CAMKMT: variants seen among roughly 807,000 people sequenced by gnomAD.
CAMKMT encodes the protein CaM KMT.
CAMKMT carries 53 observed loss-of-function variants against 48.0 expected under a neutral mutation model. That is an observed-to-expected ratio of 1.10 (90% confidence interval 0.89 to 1.39). CAMKMT has a LOEUF of 1.39. Ranked by LOEUF, CAMKMT falls within the 40% of genes most tolerant of loss-of-function variation. CAMKMT has a pLI of 0.00. For missense variants in CAMKMT, 428 were observed against 402.7 expected (o/e 1.06, Z -0.54); for synonymous variants, 165 against 152.3 (o/e 1.08, Z -0.61).
chr2:44,722,176 C>CTTTTTTTTTTTTTT (rs11323950), intron 7 of CAMKMT, among the ~76,000 whole-genome samples: 76 of 115,456 alleles, frequency 6.6e-4, no homozygotes, highest in Non-Finnish European at 9.7e-4. Context: ...TTTCTTTTTT[C>CTTTTTTTTTTTTTT]TTTTTTTTTT....
At chr2:44,759,392 T>G (rs2104396654) in intron 9 of CAMKMT, among the ~76,000 whole-genome samples, 1 of 152,328 alleles carries the variant, frequency 6.6e-6, no homozygotes, top group East Asian at 1.9e-4. Context: ...AGTGCTGGGA[T>G]GACAGGCATG....
At chr2:44,765,461 A>T (rs1241091130) in intron 9 of CAMKMT, among the ~76,000 whole-genome samples, 3 of 152,032 alleles carry the variant, frequency 2.0e-5, no homozygotes, top group Non-Finnish European at 4.4e-5. Context: ...AAACCTAAAG[A>T]GGCATTTCAC....
rs35422115 is a variant in CAMKMT at position 44,768,342 on chromosome 2, G to GATATATAT, written c.894+1794_894+1801dup. Among the ~76,000 whole-genome samples, 325 of 111,414 alleles carry GATATATAT rather than the reference G, an allele frequency of 2.9e-3. 6 individuals carry two copies. The highest frequency in any genetic ancestry group is 0.011 in the African/African-American group (288 of 27,288). 73.1% of individuals were successfully genotyped at this position (111,414 alleles called of 152,430 possible). On this transcript the variant is annotated intron_variant, in intron 10 of 10. Transcript: ENST00000378494. ...ATAAAAGGTATAAACGGGCGCCCAT[G>GATATATAT]ATATATATATATATATATATTTTTT...
chr2:44,742,479 C>G, intron 7 of CAMKMT, among the ~76,000 whole-genome samples: 1 of 152,134 alleles, frequency 6.6e-6, no homozygotes, highest in East Asian at 1.9e-4. Flanking sequence ...GTCCATATGG[C>G]CCATCAAGCT....
intron 3 of CAMKMT, among the ~76,000 whole-genome samples, chr2:44,392,492 A>AT (rs1681443881): frequency 6.6e-6 from 1 of 152,092 alleles, no homozygotes. Context: ...TGCCTCAAAA[A>AT]TTTGATTTTA....
chr2:44,384,353 T>C (rs1038229069), intron 2 of CAMKMT, among the ~76,000 whole-genome samples: 11 of 152,150 alleles, frequency 7.2e-5, no homozygotes, highest in Non-Finnish European at 1.3e-4. Context: ...TTCGTTTGAG[T>C]TCGTTGTGGA....
chr2:44,714,061 A>T (rs576528671), intron 6 of CAMKMT, among the ~76,000 whole-genome samples: 52 of 152,306 alleles, frequency 3.4e-4, no homozygotes, highest in African/African-American at 1.2e-3. Flanking sequence ...AGAATATATC[A>T]TATAAAATGA....
intron 3 of CAMKMT, among the ~76,000 whole-genome samples, chr2:44,672,047 G>T (rs1173845052): frequency 6.6e-6 from 1 of 152,080 alleles, no homozygotes; most frequent in Non-Finnish European, 1.5e-5. Context: ...GACCTGCCCC[G>T]ACAGGATGAT....
intron 3 of CAMKMT, among the ~76,000 whole-genome samples, chr2:44,496,266 A>G (rs1277343349): frequency 1.3e-5 from 2 of 152,214 alleles, no homozygotes; most frequent in Non-Finnish European, 2.9e-5. Context: ...TCTTATAACA[A>G]TAAAGCATAT....
chr2:44,527,791 C>CG (rs1390926424), intron 3 of CAMKMT, among the ~76,000 whole-genome samples: 1 of 132,898 alleles, frequency 7.5e-6, no homozygotes, highest in Non-Finnish European at 1.6e-5. Flanking sequence ...TACAGCCCCC[C>CG]CCCCCATTAT....
intron 3 of CAMKMT, among the ~76,000 whole-genome samples, chr2:44,447,526 C>G (rs566297108): frequency 1.3e-5 from 2 of 152,344 alleles, no homozygotes; most frequent in Admixed American, 1.3e-4. Flanking sequence ...GCTTACAACA[C>G]TAACATTTCT....
chr2:44,722,228 A>G (rs1417915241), intron 7 of CAMKMT, among the ~76,000 whole-genome samples: 1 of 129,162 alleles, frequency 7.7e-6, no homozygotes, highest in African/African-American at 2.9e-5. Flanking sequence ...ACATTTGTGT[A>G]CACATTTTTG....
intron 3 of CAMKMT, among the ~76,000 whole-genome samples, chr2:44,557,108 G>A (rs953441865): frequency 2.6e-5 from 4 of 152,060 alleles, no homozygotes; most frequent in African/African-American, 9.7e-5. Context: ...CTAGACATAG[G>A]ATTCATTCAT....
At chr2:44,527,518 C>T (rs1203580005) in intron 3 of CAMKMT, among the ~76,000 whole-genome samples, 1 of 148,390 alleles carries the variant, frequency 6.7e-6, no homozygotes, top group African/African-American at 2.5e-5. Flanking sequence ...TTTGGCTTCC[C>T]AGTGGGATTA....
At chr2:44,670,784 G>T (rs940918018) in intron 3 of CAMKMT, among the ~76,000 whole-genome samples, 35 of 152,316 alleles carry the variant, frequency 2.3e-4, no homozygotes, top group African/African-American at 7.9e-4. Context: ...AAAGTCCCTA[G>T]GTTATGCTGC....
At chr2:44,631,260 A>AG (rs958797418) in intron 3 of CAMKMT, among the ~76,000 whole-genome samples, 2 of 151,846 alleles carry the variant, frequency 1.3e-5, no homozygotes. Flanking sequence ...GGTGGGGGTA[A>AG]GGGGGAGGGA....
Position 44,455,275 on chromosome 2 carries a change from AGATGGGCAGGATG to A in CAMKMT, c.376+64971_376+64983del, listed in dbSNP as rs1382041886. Among the ~76,000 whole-genome samples the A allele has an allele frequency of 2.6e-5, 4 of 151,492 alleles. No individual in the cohort carries two copies. The East Asian group carries it at 7.7e-4, about 29-fold the overall frequency. On this transcript the variant is annotated intron_variant, in intron 3 of 10. Transcript: ENST00000378494. ...TTTTTAGAAGGAGGCTTATCTCTGA[AGATGGGCAGGATG>A]AAAGAAGTCACCAGCGATTCCAGTG...
At chr2:44,514,775 A>G (rs1319668475) in intron 3 of CAMKMT, among the ~76,000 whole-genome samples, 1 of 152,250 alleles carries the variant, frequency 6.6e-6, no homozygotes, top group East Asian at 1.9e-4. Flanking sequence ...ATGCAAGGTC[A>G]ATTATATGCA....
chr2:44,771,826 C>G (rs1296263420), intron 10 of CAMKMT, among the ~76,000 whole-genome samples: 2 of 152,032 alleles, frequency 1.3e-5, no homozygotes, highest in Admixed American at 1.3e-4. Context: ...AAAACCCTAC[C>G]CACCCCCACC....
Sources: gnomAD v4.1 joint callset for allele counts (sites outside exome capture counted in the v4.1 genomes callset) on GRCh38, gnomAD v4.1.1 for gene constraint, MANE v1.5 for transcripts, NCBI Gene and HGNC (gene_info 2026-07-23, HGNC 2026-07-21) for gene names.